The following UEVLD variants were observed in gnomAD, a reference collection of about 807,000 sequenced individuals.
UEVLD encodes UEV and lactate/malate dehyrogenase domains, also known as ubiquitin-conjugating enzyme E2 variant 3.
UEVLD carries 47 observed loss-of-function variants against 58.6 expected under a neutral mutation model. That is an observed-to-expected ratio of 0.80 (90% CI 0.63 to 1.02). The LOEUF (loss-of-function observed/expected upper bound fraction) is 1.02, where lower values mean the gene tolerates loss of function less well. UEVLD is among the 50% of genes least tolerant of loss of function. The pLI, the probability that UEVLD is intolerant of heterozygous loss-of-function variation, is 0.00. For synonymous variants in UEVLD, 197 were observed against 195.3 expected, an observed-to-expected ratio of 1.01 and a Z score of -0.07; for missense variants, 510 against 550.6, an observed-to-expected ratio of 0.93 and a Z score of 0.74.
chr11:18,583,576 C>T (rs1853373916), intron 1 of UEVLD, among the ~76,000 whole-genome samples: 1 of 151,038 alleles, frequency 6.6e-6, no homozygotes, highest in Non-Finnish European at 1.5e-5. Context: ...GTAGGACACA[C>T]TGAGGAATAA....
rs545248003 is a variant in UEVLD at position 18,544,420 on chromosome 11, C to T, written c.1060+203G>A. Reference sequence around the variant, plus strand: ...ACCTCCCGGGCTCAAGTGATCCTCCCACTCAGTCTCCTGAGTAACTGGGAC... The same window carrying T: ...ACCTCCCGGGCTCAAGTGATCCTCCTACTCAGTCTCCTGAGTAACTGGGAC... On this transcript the variant is annotated intron_variant, in intron 9 of 11. Coordinates refer to ENST00000396197, the MANE Select transcript of UEVLD (RefSeq NM_001040697.4). Among the ~76,000 whole-genome samples, 7 of 152,266 alleles carry T rather than the reference C, an allele frequency of 4.6e-5. No homozygotes were observed. The East Asian group carries it at 1.4e-3, about 29-fold the overall frequency.
At chr11:18,568,858 C>T (rs1342707640) in intron 4 of UEVLD, among the ~76,000 whole-genome samples, 2 of 151,990 alleles carry the variant, frequency 1.3e-5, no homozygotes, top group Non-Finnish European at 2.9e-5. Flanking sequence ...TCCAATATAC[C>T]CCTGTCCTCC....
Position 18,567,094 on chromosome 11 carries a change from A to G in UEVLD, c.358-612T>C, listed in dbSNP as rs571721858. Among the ~76,000 whole-genome samples, 175 of 152,224 alleles carry G rather than the reference A, an allele frequency of 1.1e-3. 1 individual carries two copies. In the Middle Eastern group the frequency reaches 0.014, roughly 12 times the overall value. On this transcript the variant is annotated intron_variant, in intron 4 of 11. Coordinates refer to ENST00000396197, the MANE Select transcript of UEVLD (RefSeq NM_001040697.4). ...TAAACTGCAAACATGATGTCCTTTT[A>G]CCCCTAAGTACTTTAATGTATATTT...
Position 18,578,765 on chromosome 11 carries a change from T to C in UEVLD, c.86A>G (p.Asn29Ser), listed in dbSNP as rs778481576. The C allele has an allele frequency of 4.4e-6, 7 of 1,608,552 alleles. No individual in the cohort carries two copies. Among genetic ancestry groups the C allele is most frequent in the Middle Eastern group, 1.6e-4 (1 of 6,074 alleles). ...ATATTTGAAATGTGGGAAAAATACA[T>C]TTACATTCCTTAGTTCTTCCACAGT... ...DLTVEELRNV[N>S]VFFPHFKYSM... The change falls in exon 2 of 12, where the codon AAT becomes AGT. Residue 29 changes from asparagine to serine, a missense_variant. By Grantham distance (46) the Asn-to-Ser change is conservative. Coordinates refer to ENST00000396197, the MANE Select transcript of UEVLD (RefSeq NM_001040697.4).
At chr11:18,555,276 A>T (rs1851709945) in intron 7 of UEVLD, among the ~76,000 whole-genome samples, 1 of 152,122 alleles carries the variant, frequency 6.6e-6, no homozygotes, top group African/African-American at 2.4e-5. Context: ...AATACAAAAA[A>T]TTAGCTGGGC....
intron 9 of UEVLD, among the ~76,000 whole-genome samples, chr11:18,540,086 A>T (rs1850990727): frequency 6.6e-6 from 1 of 152,226 alleles, no homozygotes; most frequent in Non-Finnish European, 1.5e-5. Flanking sequence ...TGTGTGCCAG[A>T]TACTGTACTA....
In UEVLD at chr11:18,530,692, A is replaced by T. The variant is rs61884683; in HGVS notation, c.*1628T>A. On this transcript the variant is annotated 3_prime_UTR_variant, in exon 12 of 12. Coordinates refer to ENST00000396197, the MANE Select transcript of UEVLD (RefSeq NM_001040697.4). ...CACCCTCCTGAGTAGCTGGAACTAC[A>T]GGTGCACATCACCACACCTGGCTAA... 0.047 allele frequency: 7,145 copies of T among 151,776 alleles called. 238 individuals carry two copies. The highest frequency in any genetic ancestry group is 0.089 in the Middle Eastern group (26 of 292). 9.4% of individuals were successfully genotyped at this position (151,776 alleles called of 1,614,324 possible). A position where few individuals can be genotyped will look rare whatever the true frequency, so the allele number is the denominator to read the frequency against.
At chr11:18,557,014 C>G (rs929400975) in intron 7 of UEVLD, among the ~76,000 whole-genome samples, 1 of 148,612 alleles carries the variant, frequency 6.7e-6, no homozygotes, top group Non-Finnish European at 1.5e-5. Context: ...ATAGCTTGAG[C>G]TGGGGAAGTG....
In UEVLD at chr11:18,560,137, A is replaced by ACACACACACACACAC. The variant is rs1565125565; in HGVS notation, c.613-1808_613-1807insGTGTGTGTGTGTGTG. Among the ~76,000 whole-genome samples the ACACACACACACACAC allele has an allele frequency of 5.0e-5, 4 of 80,238 alleles. 1 individual carries two copies. The East Asian group carries it at 2.3e-3, about 46-fold the overall frequency. The allele number at this position is 80,238 out of a possible 152,430, so 52.6% of individuals were successfully genotyped here. On this transcript the variant is annotated intron_variant, in intron 6 of 11. Transcript: ENST00000396197. ...CACACACACACACACACACACACAC[A>ACACACACACACACAC]CAGAGAGAGAAAGAAAATAACCCTG...
intron 10 of UEVLD, among the ~76,000 whole-genome samples, chr11:18,534,996 G>A (rs1326656252): frequency 6.6e-6 from 1 of 152,146 alleles, no homozygotes; most frequent in Non-Finnish European, 1.5e-5. Context: ...TCACTACCAA[G>A]CGTAGTACCA....
chr11:18,534,932 A>G (rs1160198314), intron 10 of UEVLD, among the ~76,000 whole-genome samples: 2 of 152,212 alleles, frequency 1.3e-5, no homozygotes, highest in African/African-American at 4.8e-5. Context: ...AGATGTACAT[A>G]ATAAGCATGT....
At chr11:18,586,664 G>C (rs1216797879) in intron 1 of UEVLD, among the ~76,000 whole-genome samples, 2 of 152,098 alleles carry the variant, frequency 1.3e-5, no homozygotes, top group African/African-American at 4.8e-5. Context: ...GGGACTACAG[G>C]CATGAGTAAC....
chr11:18,536,784 T>C (rs1051606677), intron 9 of UEVLD: 2 of 241,020 alleles, frequency 8.3e-6, no homozygotes, highest in Non-Finnish European at 8.1e-6. Context: ...CACTTGACAT[T>C]TGTTCTGCTG....
rs572153794 is a variant in UEVLD at position 18,586,816 on chromosome 11, T to TAATAATAAGCTACCCCAGCCTGGCC, written c.42+1772_42+1796dup. 1.9e-4 allele frequency among the ~76,000 whole-genome samples: 29 copies of TAATAATAAGCTACCCCAGCCTGGCC among 152,232 alleles called. No homozygotes were observed. The South Asian group carries it at 5.8e-3, about 31-fold the overall frequency. On this transcript the variant is annotated intron_variant, in intron 1 of 11. Transcript: ENST00000396197. The stretch of plus-strand genomic sequence containing the variant: ...ATTTATACAGCCAACAAATACTTAT[T>TAATAATAAGCTACCCCAGCCTGGCC]AATAATAAGCTACCCCAGCCTGGCC...
At chr11:18,544,838 AT>A in intron 8 of UEVLD, 42 bp from the exon 9 acceptor site, 1 of 1,428,962 alleles carries the variant, frequency 7.0e-7, no homozygotes, top group Admixed American at 2.8e-5. Context: ...AGGTTAAAAA[AT>A]ATATACTTCT....
Position 18,544,635 on chromosome 11 carries a change from C to A in UEVLD, c.1048G>T (p.Gly350Ter). The change falls in exon 9 of 12, where the codon GGA becomes TGA. Residue 350 changes from glycine to a stop codon, truncating the protein, a stop_gained. Transcript: ENST00000396197. LOFTEE classifies it high-confidence loss of function. The stretch of plus-strand genomic sequence containing the variant: ...ACGTACTTCTTACCTTTGTCTTCTC[C>A]TTGCTCGCCAATAACCCATACTTCT... ...GKEVWVIGEQ[G>*]EDKVLTWSGQ... is the part of the protein sequence containing the mutation. The A allele has an allele frequency of 6.3e-7, 1 of 1,593,462 alleles. No individual in the cohort carries two copies. The highest frequency in any genetic ancestry group is 8.5e-7 in the Non-Finnish European group (1 of 1,173,054).
At chr11:18,533,347 C>A in intron 11 of UEVLD, among the ~76,000 whole-genome samples, 1 of 151,122 alleles carries the variant, frequency 6.6e-6, no homozygotes. Context: ...GTAACCAACA[C>A]TCTACTCTCT....
At chr11:18,533,900 T>C (rs1850679567) in intron 11 of UEVLD, among the ~76,000 whole-genome samples, 4 of 152,146 alleles carry the variant, frequency 2.6e-5, no homozygotes. Context: ...GTGATCCACC[T>C]GCCTCGGCCT....
At chr11:18,533,017 A>G (rs1850632231) in intron 11 of UEVLD, among the ~76,000 whole-genome samples, 1 of 151,718 alleles carries the variant, frequency 6.6e-6, no homozygotes, top group Non-Finnish European at 1.5e-5. Flanking sequence ...TGTTGAAAAC[A>G]TTCCAAATGG....
Sources: allele counts gnomAD v4.1 joint callset (sites outside exome capture counted in the v4.1 genomes callset), GRCh38; gene constraint gnomAD v4.1.1; transcripts MANE v1.5; gene names NCBI Gene and HGNC (gene_info 2026-07-23, HGNC 2026-07-21).